CLOCK: variants seen among roughly 807,000 people sequenced by gnomAD.
CLOCK encodes clock circadian regulator.
In CLOCK, 43 loss-of-function variants were observed where a neutral mutation model predicts 118.4. The ratio of observed to expected loss-of-function variants is 0.36; its 90% confidence interval spans 0.28 to 0.47. The LOEUF (loss-of-function observed/expected upper bound fraction) is 0.47, where lower values mean the gene tolerates loss of function less well. Among genes scored for constraint, CLOCK ranks in the 20% least tolerant of loss-of-function variants. CLOCK has a pLI of 1.00. For missense variants in CLOCK, 846 were observed against 999.9 expected (o/e 0.85, Z 2.08); for synonymous variants, 326 against 339.2 (o/e 0.96, Z 0.43).
chr4:55,530,966 A>G (rs554271616), intron 1 of CLOCK, among the ~76,000 whole-genome samples: 3 of 152,064 alleles, frequency 2.0e-5, no homozygotes, highest in South Asian at 2.1e-4. Flanking sequence ...TCTAAGAGTG[A>G]TATCTCCAGG....
chr4:55,472,027 T>C lies in CLOCK; in HGVS notation c.349-1221A>G, dbSNP rs908318317. ...TTGAGGCTGCAATGAGCCACGACCATGTCACTGCACTCCAGCCTGAGCAAC... is the reference window on the plus strand; with the variant it reads ...TTGAGGCTGCAATGAGCCACGACCACGTCACTGCACTCCAGCCTGAGCAAC... On this transcript the variant is annotated intron_variant, in intron 7 of 22. Transcript: ENST00000513440. 3.3e-5 allele frequency among the ~76,000 whole-genome samples: 5 copies of C among 152,122 alleles called. No homozygotes were observed. In the South Asian group the frequency reaches 1.0e-3, roughly 31 times the overall value.
Position 55,434,754 on chromosome 4 carries a change from G to A in CLOCK, c.*661C>T. The A allele has an allele frequency of 6.4e-6, 1 of 155,312 alleles. No individual in the cohort carries two copies. Among genetic ancestry groups the A allele is most frequent in the South Asian group, 2.0e-4 (1 of 5,010 alleles). The allele number at this position is 155,312 out of a possible 1,614,324, so 9.6% of individuals were successfully genotyped here. A position where few individuals can be genotyped will look rare whatever the true frequency, so the allele number is the denominator to read the frequency against. On this transcript the variant is annotated 3_prime_UTR_variant, in exon 23 of 23. Transcript: ENST00000513440. ...CAGGATGGATCAGTTTGCACATGGT[G>A]TCAGAATTTCAGGAAAGGTGCTCAC...
intron 1 of CLOCK, among the ~76,000 whole-genome samples, chr4:55,511,904 C>CA (rs887151824): frequency 1.3e-5 from 2 of 151,924 alleles, no homozygotes; most frequent in African/African-American, 2.4e-5. Flanking sequence ...AGTAAATACA[C>CA]ATTTAAGATT....
chr4:55,514,417 T>C (rs1560469934), intron 1 of CLOCK, among the ~76,000 whole-genome samples: 1 of 152,102 alleles, frequency 6.6e-6, no homozygotes, highest in African/African-American at 2.4e-5. Flanking sequence ...CACTCACCCA[T>C]TTAAAACCTA....
intron 2 of CLOCK, among the ~76,000 whole-genome samples, chr4:55,496,104 G>A (rs1361853043): frequency 1.3e-5 from 2 of 151,902 alleles, no homozygotes; most frequent in African/African-American, 2.4e-5. Flanking sequence ...CAGGAGAATC[G>A]CTTGAACCCG....
chr4:55,499,448 T>C (rs1011689940), intron 2 of CLOCK, among the ~76,000 whole-genome samples: 1 of 152,228 alleles, frequency 6.6e-6, no homozygotes, highest in Non-Finnish European at 1.5e-5. Flanking sequence ...TGGACAAAAC[T>C]GTTCCACTTC....
chr4:55,454,126 A>G (rs753696350), intron 13 of CLOCK, among the ~76,000 whole-genome samples: 1 of 152,144 alleles, frequency 6.6e-6, no homozygotes, highest in East Asian at 1.9e-4. Context: ...ACAGAGGGTA[A>G]TAACAATAAA....
chr4:55,545,277 G>A (rs932903683), intron 1 of CLOCK, among the ~76,000 whole-genome samples: 1 of 152,080 alleles, frequency 6.6e-6, no homozygotes, highest in African/African-American at 2.4e-5. Flanking sequence ...CCCAAGCTTT[G>A]AAAACCAATC....
rs35842826 is a variant in CLOCK at position 55,544,165 on chromosome 4, GACACACACACACACAC to G, written c.-290+2601_-290+2616del. On this transcript the variant is annotated intron_variant, in intron 1 of 22. Coordinates refer to ENST00000513440, the MANE Select transcript of CLOCK (RefSeq NM_004898.4). ...TGTACACTTTCATGAGAAACAACCAGACACACACACACACACACACACACACACACACACCCCAATT... is the reference window on the plus strand; with the variant it reads ...TGTACACTTTCATGAGAAACAACCAGACACACACACACACACACCCCAATT... 2.7e-5 allele frequency among the ~76,000 whole-genome samples: 4 copies of G among 148,210 alleles called. No homozygotes were observed. The East Asian group carries it at 6.0e-4, about 22-fold the overall frequency.
At chr4:55,533,372 A>G (rs1457044954) in intron 1 of CLOCK, among the ~76,000 whole-genome samples, 1 of 152,224 alleles carries the variant, frequency 6.6e-6, no homozygotes, top group South Asian at 2.1e-4. Context: ...TGGAGAAAAA[A>G]CAGTCTCTAC....
At chr4:55,515,542 T>C (rs925943632) in intron 1 of CLOCK, among the ~76,000 whole-genome samples, 1 of 152,056 alleles carries the variant, frequency 6.6e-6, no homozygotes, top group African/African-American at 2.4e-5. Flanking sequence ...GCCTGGTTAA[T>C]TTTTTGAATT....
intron 11 of CLOCK, among the ~76,000 whole-genome samples, chr4:55,457,747 CT>C (rs1361072243): frequency 1.3e-5 from 2 of 152,226 alleles, no homozygotes; most frequent in Non-Finnish European, 2.9e-5. Context: ...CTGCAGCACT[CT>C]GTAATAGTTG....
chr4:55,479,415 T>C (rs553143448), intron 5 of CLOCK, among the ~76,000 whole-genome samples: 4 of 152,234 alleles, frequency 2.6e-5, no homozygotes, highest in Admixed American at 2.6e-4. Context: ...TGAAGTCAGA[T>C]TTTCTAATTC....
intron 1 of CLOCK, among the ~76,000 whole-genome samples, chr4:55,540,153 A>ACCCGCCACCATGC (rs1731169811): frequency 6.6e-6 from 1 of 151,602 alleles, no homozygotes; most frequent in Non-Finnish European, 1.5e-5. Flanking sequence ...GATTACAGGC[A>ACCCGCCACCATGC]CCCGCCACCA....
At position 55,453,096 on chromosome 4, in the gene CLOCK, T is replaced by C. The variant is rs1286243438; in HGVS notation, c.1164A>G (p.Glu388=). Residue 388 remains glutamate (E), a synonymous_variant, in exon 15 of 23, where the codon GAA becomes GAG. Coordinates refer to ENST00000513440, the MANE Select transcript of CLOCK (RefSeq NM_004898.4). ...CAGGAAGAGACTCTTCAATGCCAAG[T>C]TCTCGTCGTCTTTCAGCCCTAACTT... The part of the protein sequence containing the change: ...YAEVRAERRR[E]LGIEESLPET... The C allele has an allele frequency of 6.2e-7, 1 of 1,612,782 alleles. No homozygotes were observed. Among genetic ancestry groups the C allele is most frequent in the African/African-American group, 1.3e-5 (1 of 74,904 alleles).
At chr4:55,496,390 C>A (rs1337335108) in intron 2 of CLOCK, among the ~76,000 whole-genome samples, 2 of 152,066 alleles carry the variant, frequency 1.3e-5, no homozygotes, top group African/African-American at 4.8e-5. Context: ...AACATAGTGA[C>A]AGTCAATGAT....
At chr4:55,453,401 A>G (rs898589081) in intron 14 of CLOCK, 6 of 486,120 alleles carry the variant, frequency 1.2e-5, no homozygotes, top group African/African-American at 1.2e-4. Context: ...TTATCTACCT[A>G]CAGTTTTCCT....
rs1374100907 is a variant in CLOCK at position 55,510,621 on chromosome 4, TGTC to T, written c.-289-559_-289-557del. The stretch of plus-strand genomic sequence containing the variant: ...CAGCCTGGGCGACAGAACAAGACTC[TGTC>T]TTTTTAAAAAAAAAAAAAAAAAAAA... On this transcript the variant is annotated intron_variant, in intron 1 of 22. Transcript: ENST00000513440. 9.0e-5 allele frequency among the ~76,000 whole-genome samples: 9 copies of T among 99,516 alleles called. No individual in the cohort carries two copies. In the South Asian group the frequency reaches 1.7e-3, roughly 19 times the overall value. The allele number at this position is 99,516 out of a possible 152,430, so 65.3% of individuals were successfully genotyped here.
At chr4:55,458,636 C>A (rs1181512466) in intron 11 of CLOCK, among the ~76,000 whole-genome samples, 4 of 151,930 alleles carry the variant, frequency 2.6e-5, no homozygotes, top group Non-Finnish European at 2.9e-5. Context: ...ATGAACAACA[C>A]ACAAAAGGAT....
Sources: gnomAD v4.1 joint callset for allele counts (sites outside exome capture counted in the v4.1 genomes callset) on GRCh38, gnomAD v4.1.1 for gene constraint, MANE v1.5 for transcripts, NCBI Gene and HGNC (gene_info 2026-07-23, HGNC 2026-07-21) for gene names.